SLAMF6: variants seen among roughly 807,000 people sequenced by gnomAD.
The protein encoded by SLAMF6 is SLAM family member 6.
In SLAMF6, 21 loss-of-function variants were observed where a neutral mutation model predicts 38.3. The observed-to-expected ratio is 0.55, with a 90% CI of 0.39 to 0.79. SLAMF6 has a LOEUF of 0.79. SLAMF6 is among the 30% of genes least tolerant of loss of function. The probability of loss-of-function intolerance (pLI) is 0.00; values close to 1 mark genes in which losing one functional copy is unlikely to be tolerated. For missense variants in SLAMF6, 341 were observed against 385.3 expected, an observed-to-expected ratio of 0.89 and a Z score of 0.96; for synonymous variants, 152 against 146.3, an observed-to-expected ratio of 1.04 and a Z score of -0.28.
intron 6 of SLAMF6, among the ~76,000 whole-genome samples, chr1:160,488,106 CCAAAAAA>C (rs1257619166): frequency 2.0e-5 from 3 of 148,200 alleles, no homozygotes; most frequent in African/African-American, 7.5e-5. Flanking sequence ...AAAAAAAAAA[CCAAAAAA>C]CAAAAAACAA....
At chr1:160,491,096 A>G (rs1200052454) in intron 3 of SLAMF6, 29 bp downstream of exon 3, 1 of 1,611,352 alleles carries the variant, frequency 6.2e-7, no homozygotes, top group Admixed American at 1.7e-5. Context: ...TAGCTGCTCA[A>G]GGCTCTCAGA....
At chr1:160,491,434 G>A in intron 2 of SLAMF6, 46 bp from the exon 3 acceptor site, 1 of 1,577,766 alleles carries the variant, frequency 6.3e-7, no homozygotes, top group Non-Finnish European at 8.6e-7. Context: ...CAAATGTCTT[G>A]GCTCAACCCC....
At chr1:160,489,516 A>G (rs1051324924) in intron 5 of SLAMF6, among the ~76,000 whole-genome samples, 2 of 152,184 alleles carry the variant, frequency 1.3e-5, no homozygotes, top group Admixed American at 1.3e-4. Context: ...TAATGGAGCC[A>G]GTTATTTCAC....
At chr1:160,492,335 A>G (rs1368382907) in intron 2 of SLAMF6, among the ~76,000 whole-genome samples, 2 of 152,194 alleles carry the variant, frequency 1.3e-5, no homozygotes. Flanking sequence ...AAATATTGCC[A>G]GAACAGAGTA....
chr1:160,489,600 C>T (rs551884562), intron 5 of SLAMF6, among the ~76,000 whole-genome samples: 1 of 152,240 alleles, frequency 6.6e-6, no homozygotes, highest in South Asian at 2.1e-4. Flanking sequence ...GAACTGGAGG[C>T]TCAGAAAACT....
chr1:160,491,050 G>A, intron 3 of SLAMF6, 75 bp downstream of exon 3: 1 of 1,569,214 alleles, frequency 6.4e-7, no homozygotes, highest in Non-Finnish European at 8.7e-7. Context: ...CACTGTATTG[G>A]AAATTACGTA....
At chr1:160,490,996 G>A in intron 3 of SLAMF6, 129 bp downstream of exon 3, 1 of 1,175,488 alleles carries the variant, frequency 8.5e-7, no homozygotes, top group Non-Finnish European at 1.2e-6. Context: ...AGCTCCAGAG[G>A]GCATCTGTCC....
chr1:160,496,763 G>A (rs1015966440), intron 1 of SLAMF6, among the ~76,000 whole-genome samples: 1 of 152,170 alleles, frequency 6.6e-6, no homozygotes, highest in Non-Finnish European at 1.5e-5. Flanking sequence ...AAAACTGCAA[G>A]TCTTTGCTAA....
rs1054563810 is a variant in SLAMF6 at position 160,486,275 on chromosome 1, G to A, written c.*432C>T. The A allele has an allele frequency of 6.4e-6, 1 of 156,622 alleles. No homozygotes were observed. The highest frequency in any genetic ancestry group is 2.4e-5 in the African/African-American group (1 of 41,416). The allele number at this position is 156,622 out of a possible 1,614,324, so 9.7% of individuals were successfully genotyped here. A position where few individuals can be genotyped will look rare whatever the true frequency, so the allele number is the denominator to read the frequency against. On this transcript the variant is annotated 3_prime_UTR_variant, in exon 8 of 8. Coordinates refer to ENST00000368057, the MANE Select transcript of SLAMF6 (RefSeq NM_001184714.2). The stretch of plus-strand genomic sequence containing the variant: ...ACAAGGGATGCTCAACTTGTATCAG[G>A]ATGGGCCCATCCAACTCCAGAGACT...
At chr1:160,509,092 G>C (rs1372010696) in intron 1 of SLAMF6, among the ~76,000 whole-genome samples, 3 of 152,200 alleles carry the variant, frequency 2.0e-5, no homozygotes, top group Non-Finnish European at 4.4e-5. Context: ...GGAAGACAGT[G>C]TGGCAATTCC....
chr1:160,495,685 C>T (rs139120755), intron 2 of SLAMF6, among the ~76,000 whole-genome samples: 1 of 152,338 alleles, frequency 6.6e-6, no homozygotes, highest in East Asian at 1.9e-4. Flanking sequence ...ATCACTGTGA[C>T]TGAGGCTGTG....
At chr1:160,505,533 C>T (rs745820378) in intron 1 of SLAMF6, among the ~76,000 whole-genome samples, 1 of 152,176 alleles carries the variant, frequency 6.6e-6, no homozygotes, top group Non-Finnish European at 1.5e-5. Flanking sequence ...TCCTGAGTAG[C>T]TGGTTCTACA....
intron 2 of SLAMF6, 43 bp from the exon 3 acceptor site, chr1:160,491,431 C>T (rs766869128): frequency 1.3e-6 from 2 of 1,585,242 alleles, no homozygotes; most frequent in East Asian, 2.2e-5. Context: ...GGACAAATGT[C>T]TTGGCTCAAC....
At position 160,496,183 on chromosome 1, in the gene SLAMF6, T is replaced by A. The variant is rs1653567057; in HGVS notation, c.260A>T (p.Asn87Ile). ...VTNPKQGKRL[N>I]FTQSYSLQLS... The stretch of plus-strand genomic sequence containing the variant: ...TTGCAGGGAGTAGGACTGGGTGAAG[T>A]TCAGTCGCTTTCCCTGTTTCGGATT... The change falls in exon 2 of 8, where the codon AAC becomes ATC. Residue 87 changes from asparagine (N) to isoleucine (I), a missense_variant. By Grantham distance (149) the Asn-to-Ile change is moderately radical. Transcript: ENST00000368057. 1.9e-6 allele frequency: 3 copies of A among 1,613,924 alleles called. No individual in the cohort carries two copies. The highest frequency in any genetic ancestry group is 1.1e-5 in the South Asian group (1 of 91,076).
intron 2 of SLAMF6, among the ~76,000 whole-genome samples, chr1:160,494,548 G>T (rs1302077185): frequency 6.6e-6 from 1 of 152,128 alleles, no homozygotes; most frequent in African/African-American, 2.4e-5. Context: ...GAAAAAAAGG[G>T]TCTTTGCAGA....
At chr1:160,519,728 AATT>A (rs777259261) in intron 1 of SLAMF6, among the ~76,000 whole-genome samples, 6 of 151,654 alleles carry the variant, frequency 4.0e-5, no homozygotes, top group Admixed American at 1.3e-4. Flanking sequence ...ATTTATATGA[AATT>A]ATCCAGAATA....
chr1:160,500,514 G>A (rs994835946), intron 1 of SLAMF6, among the ~76,000 whole-genome samples: 1 of 151,718 alleles, frequency 6.6e-6, no homozygotes, highest in South Asian at 2.1e-4. Context: ...ATTTAAAGAA[G>A]TGTGACCACT....
At chr1:160,514,307 T>C (rs1221517890) in intron 1 of SLAMF6, among the ~76,000 whole-genome samples, 1 of 152,172 alleles carries the variant, frequency 6.6e-6, no homozygotes, top group Non-Finnish European at 1.5e-5. Flanking sequence ...CAAGAAGAAC[T>C]AACTATCCTA....
At chr1:160,517,863 T>G (rs183749291) in intron 1 of SLAMF6, among the ~76,000 whole-genome samples, 1 of 149,336 alleles carries the variant, frequency 6.7e-6, no homozygotes, top group African/African-American at 2.5e-5. Flanking sequence ...GGGAGTGGGG[T>G]TGGGGGAGGG....
Sources: allele counts gnomAD v4.1 joint callset (sites outside exome capture counted in the v4.1 genomes callset), GRCh38; gene constraint gnomAD v4.1.1; transcripts MANE v1.5; gene names NCBI Gene and HGNC (gene_info 2026-07-23, HGNC 2026-07-21).